Variants in AGBL4 observed in about 807,000 individuals in gnomAD.
AGBL4 encodes AGBL carboxypeptidase 4.
In AGBL4, 58 loss-of-function variants were observed where a neutral mutation model predicts 66.4. That is an observed-to-expected ratio of 0.87 (90% CI 0.71 to 1.09). AGBL4 has a LOEUF of 1.09. Among genes scored for constraint, AGBL4 ranks in the 50% least tolerant of loss-of-function variants. The pLI is 0.00. For synonymous variants in AGBL4, 234 were observed against 222.9 expected, an observed-to-expected ratio of 1.05 and a Z score of -0.44; for missense variants, 579 against 631.0, an observed-to-expected ratio of 0.92 and a Z score of 0.88.
At chr1:48,669,977 T>A (rs1274911072) in intron 6 of AGBL4, among the ~76,000 whole-genome samples, 1 of 152,248 alleles carries the variant, frequency 6.6e-6, no homozygotes, top group African/African-American at 2.4e-5. Context: ...AGACTCATTA[T>A]GCTTCAGGGT....
intron 9 of AGBL4, among the ~76,000 whole-genome samples, chr1:48,619,394 C>G (rs1645371815): frequency 6.6e-6 from 1 of 152,052 alleles, no homozygotes; most frequent in Admixed American, 6.5e-5. Flanking sequence ...ACATTCACGC[C>G]GAGCCTTAGT....
intron 1 of AGBL4, among the ~76,000 whole-genome samples, chr1:49,855,152 A>G (rs1165103752): frequency 3.3e-5 from 5 of 152,192 alleles, no homozygotes; most frequent in Non-Finnish European, 5.9e-5. Flanking sequence ...AGAATGAACT[A>G]ACACAAATAC....
At chr1:48,627,762 CG>C (rs1412104215) in intron 9 of AGBL4, among the ~76,000 whole-genome samples, 3 of 151,974 alleles carry the variant, frequency 2.0e-5, no homozygotes, top group South Asian at 2.1e-4. Context: ...CTCTAGTAAA[CG>C]GGGGGAAATC....
intron 4 of AGBL4, among the ~76,000 whole-genome samples, chr1:49,166,486 C>A (rs1646637647): frequency 6.6e-6 from 1 of 152,052 alleles, no homozygotes; most frequent in African/African-American, 2.4e-5. Context: ...TAATTTGTAA[C>A]CGAGTCTCCC....
rs201319275 is a variant in AGBL4 at position 49,859,323 on chromosome 1, A to G, written c.35-7805T>C. Among the ~76,000 whole-genome samples the G allele has an allele frequency of 2.6e-5, 4 of 152,186 alleles. No homozygotes were observed. The East Asian group carries it at 7.7e-4, about 29-fold the overall frequency. On this transcript the variant is annotated intron_variant, in intron 1 of 13. Transcript: ENST00000371839. Reference sequence around the variant, plus strand: ...AGACTGGTATTCCTTCTGAACATAGACTCAAAATTCTCAGCAAAGTATTAG... The same window carrying G: ...AGACTGGTATTCCTTCTGAACATAGGCTCAAAATTCTCAGCAAAGTATTAG...
Position 49,201,401 on chromosome 1 carries a change from C to T in AGBL4, c.377+44369G>A, listed in dbSNP as rs143900811. On this transcript the variant is annotated intron_variant, in intron 4 of 13. Coordinates refer to ENST00000371839, the MANE Select transcript of AGBL4 (RefSeq NM_032785.4). ...AACCTTAGTGAGTTGCTCAAGGTGG[C>T]GTAGCTTAAAAATGACAGTGTTAGG... Among the ~76,000 whole-genome samples, 10 of 152,186 alleles carry T rather than the reference C, an allele frequency of 6.6e-5. No homozygotes were observed. The East Asian group carries it at 1.2e-3, about 18-fold the overall frequency.
At chr1:49,550,169 C>T (rs991482964) in intron 3 of AGBL4, among the ~76,000 whole-genome samples, 1 of 151,982 alleles carries the variant, frequency 6.6e-6, no homozygotes, top group Non-Finnish European at 1.5e-5. Flanking sequence ...TATGTGAGTC[C>T]TTACATGTTA....
At chr1:48,591,088 C>T (rs1352010419) in intron 9 of AGBL4, 103 bp from the exon 10 acceptor site, 3 of 726,310 alleles carry the variant, frequency 4.1e-6, no homozygotes, top group East Asian at 5.7e-5. Context: ...ACACACCCAC[C>T]CACCCCCCCC....
chr1:49,161,496 G>T (rs533899153), intron 4 of AGBL4, among the ~76,000 whole-genome samples: 8 of 152,294 alleles, frequency 5.3e-5, no homozygotes, highest in African/African-American at 1.9e-4. Context: ...TTCCTATTCA[G>T]CCATCTTGCC....
chr1:49,371,799 C>T (rs921826213), intron 3 of AGBL4, among the ~76,000 whole-genome samples: 13 of 143,898 alleles, frequency 9.0e-5, no homozygotes, highest in African/African-American at 3.4e-4. Context: ...TCAGTCAGAG[C>T]CAGTGACTTT....
intron 3 of AGBL4, among the ~76,000 whole-genome samples, chr1:49,285,382 G>A (rs1209801446): frequency 1.3e-5 from 2 of 151,892 alleles, no homozygotes; most frequent in African/African-American, 4.8e-5. Context: ...TGTGTAGAGG[G>A]AAATTTATAG....
chr1:49,679,338 A>G (rs761433752), intron 3 of AGBL4, among the ~76,000 whole-genome samples: 7 of 152,048 alleles, frequency 4.6e-5, no homozygotes, highest in Non-Finnish European at 8.8e-5. Flanking sequence ...TGATATGCAT[A>G]TATATACTTC....
chr1:48,811,127 A>G (rs1646039244), intron 6 of AGBL4, among the ~76,000 whole-genome samples: 2 of 123,320 alleles, frequency 1.6e-5, no homozygotes, highest in African/African-American at 6.2e-5. Context: ...GGGACACAAT[A>G]GGTGTTCCTC....
chr1:49,245,632 T>C (rs991700222), intron 4 of AGBL4, 138 bp downstream of exon 4: 15 of 574,806 alleles, frequency 2.6e-5, no homozygotes, highest in Admixed American at 1.5e-4. Context: ...GCAGATAAAC[T>C]AGAGTTCTGG....
intron 3 of AGBL4, among the ~76,000 whole-genome samples, chr1:49,502,075 G>A (rs138064692): frequency 1.3e-5 from 2 of 152,242 alleles, no homozygotes; most frequent in African/African-American, 4.8e-5. Flanking sequence ...AGAAGAATAT[G>A]TGTTCTGCTG....
intron 2 of AGBL4, among the ~76,000 whole-genome samples, chr1:49,791,187 C>T (rs1222285512): frequency 6.6e-6 from 1 of 151,646 alleles, no homozygotes; most frequent in East Asian, 1.9e-4. Flanking sequence ...ATATTGTTAG[C>T]CCTAGAGCAA....
At position 49,111,334 on chromosome 1, in the gene AGBL4, A is replaced by G. The variant is rs143995011; in HGVS notation, c.378-65534T>C. Among the ~76,000 whole-genome samples, 795 of 152,136 alleles carry G rather than the reference A, an allele frequency of 5.2e-3. 13 individuals are homozygous for G. Among genetic ancestry groups the G allele is most frequent in the East Asian group, 0.036 (186 of 5,152 alleles). On this transcript the variant is annotated intron_variant, in intron 4 of 13. Transcript: ENST00000371839. ...TCACCGTGTTAGCCAGGATGGTCTC[A>G]ATCTCCTGACCTCCTGATCCGCCCG...
chr1:48,726,867 A>G (rs1019391946), intron 6 of AGBL4, among the ~76,000 whole-genome samples: 4 of 152,246 alleles, frequency 2.6e-5, no homozygotes, highest in Middle Eastern at 3.2e-3. Context: ...GGTAGCTATT[A>G]TCTCCTTTTT....
At chr1:48,816,529 AG>A (rs758878825) in intron 6 of AGBL4, among the ~76,000 whole-genome samples, 1 of 152,190 alleles carries the variant, frequency 6.6e-6, no homozygotes, top group African/African-American at 2.4e-5. Flanking sequence ...ATAACTACAA[AG>A]GCAAGAAACT....
Sources: gnomAD v4.1 joint callset for allele counts (sites outside exome capture counted in the v4.1 genomes callset) on GRCh38, gnomAD v4.1.1 for gene constraint, MANE v1.5 for transcripts, NCBI Gene and HGNC (gene_info 2026-07-23, HGNC 2026-07-21) for gene names.